DAB1: variants seen among roughly 807,000 people sequenced by gnomAD.
DAB1 encodes the protein DAB adaptor protein 1, also known as disabled homolog 1.
In DAB1, 15 loss-of-function variants were observed where a neutral mutation model predicts 64.6. The observed-to-expected ratio is 0.23, with a 90% CI of 0.16 to 0.36. The LOEUF (loss-of-function observed/expected upper bound fraction) is 0.36. Ranked by LOEUF, DAB1 falls within the 10% of genes least tolerant of loss-of-function variation. The pLI, the probability that DAB1 is intolerant of heterozygous loss-of-function variation, is 1.00. For missense variants in DAB1, 596 were observed against 706.7 expected, an observed-to-expected ratio of 0.84 and a Z score of 1.78; for synonymous variants, 235 against 251.9, an observed-to-expected ratio of 0.93 and a Z score of 0.64.
intron 2 of DAB1, among the ~76,000 whole-genome samples, chr1:57,155,032 T>A (rs1660073421): frequency 6.6e-6 from 1 of 152,226 alleles, no homozygotes; most frequent in African/African-American, 2.4e-5. Context: ...CTTGATGTGA[T>A]CCCATTTGTA....
At chr1:58,506,242 G>C in intron 2 of DAB1, 1 of 837,436 alleles carries the variant, frequency 1.2e-6, no homozygotes, top group East Asian at 2.4e-5. Context: ...CACACAATGA[G>C]CTCAGTTTTG....
At chr1:57,841,123 A>G (rs1293055115) in intron 1 of DAB1, among the ~76,000 whole-genome samples, 1 of 152,244 alleles carries the variant, frequency 6.6e-6, no homozygotes, top group East Asian at 1.9e-4. Flanking sequence ...TACAGGCCCC[A>G]TGCAAGTCCA....
intron 4 of DAB1, among the ~76,000 whole-genome samples, chr1:57,112,964 T>C (rs774272995): frequency 1.3e-5 from 2 of 152,090 alleles, no homozygotes; most frequent in Non-Finnish European, 2.9e-5. Context: ...CATGAAGGAC[T>C]AACAAAATTA....
intron 3 of DAB1, among the ~76,000 whole-genome samples, chr1:58,413,741 T>G (rs994244354): frequency 5.9e-5 from 9 of 152,182 alleles, no homozygotes; most frequent in African/African-American, 9.7e-5. Flanking sequence ...TAGAACATAT[T>G]CTGAAGCTAA....
chr1:58,316,076 T>C (rs1409452076), intron 4 of DAB1, among the ~76,000 whole-genome samples: 1 of 152,208 alleles, frequency 6.6e-6, no homozygotes, highest in African/African-American at 2.4e-5. Context: ...TAGCTTAACC[T>C]CTCTGAGAGG....
chr1:57,147,882 C>T lies in DAB1; in HGVS notation c.68-2453G>A, dbSNP rs372777439. On this transcript the variant is annotated intron_variant, in intron 2 of 14. Transcript: ENST00000371236. ...TTAGAGGCCATGTAACTTGTCCAAA[C>T]TTACTGAGTAGAACCTGAACTTAGA... is the stretch of plus-strand genomic sequence containing the variant. Among the ~76,000 whole-genome samples, 54 of 152,320 alleles carry T rather than the reference C, an allele frequency of 3.5e-4. No homozygotes were observed. The South Asian group carries it at 0.011, about 30-fold the overall frequency.
At chr1:58,150,657 A>G (rs1201093059) in intron 4 of DAB1, 1 of 150,554 alleles carries the variant, frequency 6.6e-6, no homozygotes, top group Admixed American at 6.6e-5. Context: ...TACTCAAGGT[A>G]GGTTCCACTA....
chr1:57,404,380 A>G (rs1683472594), intron 1 of DAB1, among the ~76,000 whole-genome samples: 1 of 152,222 alleles, frequency 6.6e-6, no homozygotes, highest in Non-Finnish European at 1.5e-5. Context: ...TATCTGTTTT[A>G]TTAATCAAAA....
intron 1 of DAB1, among the ~76,000 whole-genome samples, chr1:57,416,880 G>T (rs541719328): frequency 6.0e-4 from 92 of 152,216 alleles, no homozygotes; most frequent in African/African-American, 2.1e-3. Context: ...CTTTATTCCA[G>T]TATAATTATT....
intron 2 of DAB1, among the ~76,000 whole-genome samples, chr1:57,165,095 A>G (rs1661101146): frequency 6.6e-6 from 1 of 152,148 alleles, no homozygotes; most frequent in Admixed American, 6.5e-5. Context: ...CGGTTGGATG[A>G]TCTTTCCCCT....
intron 3 of DAB1, among the ~76,000 whole-genome samples, chr1:58,478,562 AG>A (rs1293857494): frequency 6.6e-6 from 1 of 152,206 alleles, no homozygotes; most frequent in African/African-American, 2.4e-5. Flanking sequence ...TGACTTGTCC[AG>A]GGTTCCACAA....
chr1:57,224,992 G>A (rs1477916692), intron 2 of DAB1, among the ~76,000 whole-genome samples: 1 of 152,206 alleles, frequency 6.6e-6, no homozygotes, highest in Non-Finnish European at 1.5e-5. Flanking sequence ...GGACAATGAG[G>A]TTCCAGGAGC....
chr1:58,523,224 C>T (rs568434074), intron 2 of DAB1, among the ~76,000 whole-genome samples: 1 of 152,260 alleles, frequency 6.6e-6, no homozygotes, highest in Non-Finnish European at 1.5e-5. Flanking sequence ...CACTCCCCAC[C>T]TTTTTTGCCA....
At chr1:57,007,509 G>T (rs1646116950) in intron 14 of DAB1, among the ~76,000 whole-genome samples, 1 of 152,140 alleles carries the variant, frequency 6.6e-6, no homozygotes, top group Non-Finnish European at 1.5e-5. Flanking sequence ...AGATGGGAGG[G>T]TAGGGGGAAA....
At chr1:57,525,587 A>G (rs1644581294) in intron 7 of DAB1, among the ~76,000 whole-genome samples, 1 of 152,190 alleles carries the variant, frequency 6.6e-6, no homozygotes, top group East Asian at 1.9e-4. Context: ...TATTGACATA[A>G]CTTGAAATAA....
chr1:57,507,862 C>T (rs1644363366), intron 7 of DAB1, among the ~76,000 whole-genome samples: 3 of 152,250 alleles, frequency 2.0e-5, no homozygotes, highest in Admixed American at 1.3e-4. Flanking sequence ...TTTGCTGATA[C>T]CCCCTCCCCA....
At chr1:57,554,101 G>A (rs1207592880) in intron 7 of DAB1, among the ~76,000 whole-genome samples, 3 of 152,104 alleles carry the variant, frequency 2.0e-5, no homozygotes, top group African/African-American at 7.2e-5. Flanking sequence ...GAAGCGAGGA[G>A]ATATTTGATA....
intron 5 of DAB1, among the ~76,000 whole-genome samples, chr1:58,135,219 A>G (rs1193961224): frequency 6.6e-6 from 1 of 152,224 alleles, no homozygotes; most frequent in Non-Finnish European, 1.5e-5. Context: ...AGACATACCA[A>G]CAAGGACTGT....
At chr1:57,904,801 T>C (rs1442963480) in intron 5 of DAB1, among the ~76,000 whole-genome samples, 1 of 152,142 alleles carries the variant, frequency 6.6e-6, no homozygotes, top group Non-Finnish European at 1.5e-5. Context: ...GGGAGAAAGT[T>C]GTACGGATGG....
Sources: gnomAD v4.1 joint callset for allele counts (sites outside exome capture counted in the v4.1 genomes callset) on GRCh38, gnomAD v4.1.1 for gene constraint, MANE v1.5 for transcripts, NCBI Gene and HGNC (gene_info 2026-07-23, HGNC 2026-07-21) for gene names.